ZNF407: variants seen among roughly 807,000 people sequenced by gnomAD.
ZNF407 encodes the protein zinc finger protein 407.
ZNF407 carries 17 observed loss-of-function variants against 131.2 expected under a neutral mutation model. The observed-to-expected ratio is 0.13, with a 90% CI of 0.09 to 0.19. The LOEUF is 0.19. Among genes scored for constraint, ZNF407 ranks in the 10% least tolerant of loss-of-function variants. The pLI is 1.00. For synonymous variants in ZNF407, 1,156 were observed against 1,062.0 expected (o/e 1.09, Z -1.72); for missense variants, 2,681 against 2,830.6 (o/e 0.95, Z 1.20).
chr18:74,686,493 G>A (rs1026300612), intron 3 of ZNF407, among the ~76,000 whole-genome samples: 9 of 152,072 alleles, frequency 5.9e-5, no homozygotes, highest in Non-Finnish European at 1.3e-4. Context: ...TTCCTGGCCT[G>A]TTCATTGGCT....
intron 8 of ZNF407, among the ~76,000 whole-genome samples, chr18:75,034,591 T>G (rs1176371224): frequency 5.3e-5 from 8 of 151,480 alleles, no homozygotes; most frequent in African/African-American, 1.9e-4. Flanking sequence ...CGTGAGCCAC[T>G]GCGCCCGGCG....
At chr18:74,652,258 T>G (rs1040330817) in intron 3 of ZNF407, among the ~76,000 whole-genome samples, 2 of 152,104 alleles carry the variant, frequency 1.3e-5, no homozygotes, top group African/African-American at 2.4e-5. Context: ...TTCAGCATAT[T>G]TCTGTTTCCT....
intron 4 of ZNF407, among the ~76,000 whole-genome samples, chr18:74,813,351 A>G (rs188747027): frequency 2.0e-4 from 31 of 152,074 alleles, no homozygotes; most frequent in African/African-American, 7.2e-4. Context: ...TCAGGCTCAC[A>G]CTCTGCGCAG....
chr18:74,689,869 G>A (rs1406021318), intron 3 of ZNF407, among the ~76,000 whole-genome samples: 1 of 152,158 alleles, frequency 6.6e-6, no homozygotes, highest in Non-Finnish European at 1.5e-5. Flanking sequence ...GGGCAGGACA[G>A]GTTCAGGCAT....
At chr18:74,739,620 G>C (rs1469997586) in intron 3 of ZNF407, among the ~76,000 whole-genome samples, 2 of 151,788 alleles carry the variant, frequency 1.3e-5, no homozygotes, top group Non-Finnish European at 2.9e-5. Flanking sequence ...TTTGAAAGGA[G>C]GTACATGATT....
chr18:74,921,792 G>A (rs952758119), intron 8 of ZNF407, among the ~76,000 whole-genome samples: 2 of 152,152 alleles, frequency 1.3e-5, no homozygotes, highest in Non-Finnish European at 2.9e-5. Context: ...GTAGTGGTGG[G>A]GATGTGGGGA....
chr18:74,677,530 C>CT (rs1176095879), intron 3 of ZNF407, among the ~76,000 whole-genome samples: 4 of 151,248 alleles, frequency 2.6e-5, no homozygotes, highest in Non-Finnish European at 4.4e-5. Context: ...ATAGTATTTT[C>CT]TTTTTTTTTC....
intron 3 of ZNF407, among the ~76,000 whole-genome samples, chr18:74,696,375 T>G (rs1282622595): frequency 2.0e-5 from 3 of 152,226 alleles, no homozygotes; most frequent in Non-Finnish European, 2.9e-5. Context: ...TTTCCTGTTC[T>G]CCAGAGAAAA....
chr18:74,844,103 T>A (rs1568238301), intron 4 of ZNF407, among the ~76,000 whole-genome samples: 1 of 152,164 alleles, frequency 6.6e-6, no homozygotes, highest in Non-Finnish European at 1.5e-5. Flanking sequence ...CCGGCCTATG[T>A]CCACCCCTCC....
At chr18:74,680,725 T>C (rs1211163551) in intron 3 of ZNF407, among the ~76,000 whole-genome samples, 1 of 152,204 alleles carries the variant, frequency 6.6e-6, no homozygotes, top group Non-Finnish European at 1.5e-5. Context: ...AGGCTGAACC[T>C]GTATCTCTTA....
chr18:74,916,574 CATGCAT>C (rs1568268391), intron 7 of ZNF407, among the ~76,000 whole-genome samples: 76 of 41,168 alleles, frequency 1.8e-3, no homozygotes, highest in African/African-American at 7.8e-3. Context: ...TGTGTGTGTG[CATGCAT>C]GTGTGTGCTG....
rs891358014 is a variant in ZNF407 at position 74,701,761 on chromosome 18, C to T, written c.4802+60639C>T. ...ATTCTAGCTGCTTTTATATTCTTGG[C>T]CTTTGAACTGTTAATAATTTAGGCT... On this transcript the variant is annotated intron_variant, in intron 3 of 8. Coordinates refer to ENST00000299687, the MANE Select transcript of ZNF407 (RefSeq NM_017757.3). Among the ~76,000 whole-genome samples, 3 of 151,942 alleles carry T rather than the reference C, an allele frequency of 2.0e-5. No homozygotes were observed. The East Asian group carries it at 5.8e-4, about 29-fold the overall frequency.
chr18:74,752,475 C>T (rs1968829731), intron 3 of ZNF407, among the ~76,000 whole-genome samples: 1 of 152,132 alleles, frequency 6.6e-6, no homozygotes, highest in African/African-American at 2.4e-5. Flanking sequence ...ATGGTAGTGC[C>T]TAGGTTTTCT....
chr18:74,863,754 T>A (rs1364585984), intron 4 of ZNF407, among the ~76,000 whole-genome samples: 1 of 152,206 alleles, frequency 6.6e-6, no homozygotes, highest in African/African-American at 2.4e-5. Flanking sequence ...GACTTTTCAG[T>A]TTAATAATTG....
intron 7 of ZNF407, among the ~76,000 whole-genome samples, chr18:74,891,105 G>C (rs546677579): frequency 6.6e-6 from 1 of 152,322 alleles, no homozygotes; most frequent in East Asian, 1.9e-4. Context: ...TGAGGTATGT[G>C]TAGAGAGGCG....
intron 4 of ZNF407, among the ~76,000 whole-genome samples, chr18:74,830,712 A>T (rs1970470594): frequency 6.6e-6 from 1 of 152,250 alleles, no homozygotes; most frequent in African/African-American, 2.4e-5. Flanking sequence ...TGGTGATCAG[A>T]TCAGTGTAAT....
intron 3 of ZNF407, among the ~76,000 whole-genome samples, chr18:74,705,037 A>G (rs1000414090): frequency 1.3e-5 from 2 of 152,052 alleles, no homozygotes; most frequent in African/African-American, 4.8e-5. Context: ...ATATCATTGC[A>G]TTTAATATCT....
chr18:74,964,078 G>A (rs1030920068), intron 8 of ZNF407, among the ~76,000 whole-genome samples: 2 of 152,182 alleles, frequency 1.3e-5, no homozygotes, highest in Non-Finnish European at 2.9e-5. Context: ...TATTGACCGC[G>A]CCTATCACGT....
rs549624489 is a variant in ZNF407 at position 74,634,632 on chromosome 18, A to C, written c.3613A>C (p.Ser1205Arg). 1 of 1,613,978 alleles carries C rather than the reference A, an allele frequency of 6.2e-7. No homozygotes were observed. Among genetic ancestry groups the C allele is most frequent in the African/African-American group, 1.3e-5 (1 of 75,060 alleles). ...PSRFQNENSG[S>R]SALNCETAKK... ...CAGATTTCAAAATGAAAATTCAGGA[A>C]GCTCTGCCTTAAATTGTGAGACAGC... The change falls in exon 2 of 9, where the codon AGC becomes CGC. Residue 1205 changes from serine (S) to arginine (R), a missense_variant. Ser to Arg is a moderately radical substitution (Grantham distance 110). Around this residue, in one of 6 missense-constraint regions of ZNF407, gnomAD observed 1,789 missense variants for 1,748.7 expected, o/e 1.02. Coordinates refer to ENST00000299687, the MANE Select transcript of ZNF407 (RefSeq NM_017757.3).
Sources: allele counts gnomAD v4.1 joint callset (sites outside exome capture counted in the v4.1 genomes callset), GRCh38; gene constraint gnomAD v4.1.1; regional missense constraint gnomAD v4.1.1; transcripts MANE v1.5; gene names NCBI Gene and HGNC (gene_info 2026-07-23, HGNC 2026-07-21).